LIMCH1: variants seen among roughly 807,000 people sequenced by gnomAD.
LIMCH1 encodes the protein LIM and calponin homology domains-containing protein 1.
In LIMCH1, 113 loss-of-function variants were observed where a neutral mutation model predicts 176.5. That is an observed-to-expected ratio of 0.64 (90% CI 0.55 to 0.75). The LOEUF (loss-of-function observed/expected upper bound fraction) is 0.75. Among genes scored for constraint, LIMCH1 ranks in the 30% least tolerant of loss-of-function variants. The pLI, the probability that LIMCH1 is intolerant of heterozygous loss-of-function variation, is 0.00. For synonymous variants in LIMCH1, 619 were observed against 645.9 expected (o/e 0.96, Z 0.63); for missense variants, 1,674 against 1,814.9 (o/e 0.92, Z 1.41).
upstream of LIMCH1, among the ~76,000 whole-genome samples, chr4:41,534,377 A>G (rs2077651825): frequency 6.6e-6 from 1 of 152,238 alleles, no homozygotes; most frequent in South Asian, 2.1e-4. Flanking sequence ...AAAAAGGTGT[A>G]CATCTTAGAA....
chr4:41,627,815 G>C (rs1245584913), intron 8 of LIMCH1, among the ~76,000 whole-genome samples: 1 of 152,198 alleles, frequency 6.6e-6, no homozygotes, highest in Non-Finnish European at 1.5e-5. Context: ...AAATCAGCTA[G>C]AGTTAGCATC....
At chr4:41,670,782 C>T (rs1284384217) in intron 21 of LIMCH1, 1 of 1,535,970 alleles carries the variant, frequency 6.5e-7, no homozygotes, top group South Asian at 1.2e-5. Flanking sequence ...CCCAGTTTTT[C>T]TCCCAGTCAG....
chr4:41,460,310 G>C (rs776997488), intron 1 of LIMCH1, among the ~76,000 whole-genome samples: 1 of 151,838 alleles, frequency 6.6e-6, no homozygotes, highest in Non-Finnish European at 1.5e-5. Context: ...ATATTGCATA[G>C]CGCAGATGTA....
chr4:41,634,301 G>A (rs954575926), intron 13 of LIMCH1, among the ~76,000 whole-genome samples: 2 of 152,146 alleles, frequency 1.3e-5, no homozygotes, highest in Admixed American at 1.3e-4. Flanking sequence ...AATTATCCTG[G>A]GGTTCCTGTT....
At chr4:41,400,493 A>G (rs180733768) in intron 1 of LIMCH1, among the ~76,000 whole-genome samples, 14 of 152,316 alleles carry the variant, frequency 9.2e-5, no homozygotes, top group Admixed American at 3.3e-4. Context: ...TTTGCACTGC[A>G]TGCAAAGCTG....
At chr4:41,638,538 G>A (rs908395639) in intron 13 of LIMCH1, among the ~76,000 whole-genome samples, 1 of 152,178 alleles carries the variant, frequency 6.6e-6, no homozygotes, top group South Asian at 2.1e-4. Flanking sequence ...GCCCATTACT[G>A]CTGAACATAA....
intron 31 of LIMCH1, chr4:41,692,637 G>A: frequency 2.7e-6 from 1 of 371,106 alleles, no homozygotes; most frequent in Non-Finnish European, 5.0e-6. Context: ...CATTGCCTGA[G>A]CTCACTACAG....
At chr4:41,681,669 C>T (rs568031726) in intron 25 of LIMCH1, among the ~76,000 whole-genome samples, 1 of 152,102 alleles carries the variant, frequency 6.6e-6, no homozygotes, top group African/African-American at 2.4e-5. Flanking sequence ...AAGACCCTAT[C>T]TCTAAAGGAA....
At chr4:41,573,994 A>T (rs1391414731) in intron 1 of LIMCH1, among the ~76,000 whole-genome samples, 1 of 152,126 alleles carries the variant, frequency 6.6e-6, no homozygotes, top group Admixed American at 6.6e-5. Flanking sequence ...AATCTCTCTT[A>T]TATGCCATCT....
chr4:41,586,657 G>C (rs538891611), intron 1 of LIMCH1, among the ~76,000 whole-genome samples: 1 of 152,270 alleles, frequency 6.6e-6, no homozygotes, highest in East Asian at 1.9e-4. Flanking sequence ...ATATAATATA[G>C]TAATGCATAT....
intron 1 of LIMCH1, among the ~76,000 whole-genome samples, chr4:41,413,044 T>A (rs982830281): frequency 6.6e-6 from 1 of 152,156 alleles, no homozygotes; most frequent in Non-Finnish European, 1.5e-5. Flanking sequence ...TGAGATAATG[T>A]GCATGACAAT....
chr4:41,514,702 A>T (rs2075366876), intron 2 of LIMCH1, among the ~76,000 whole-genome samples: 1 of 152,158 alleles, frequency 6.6e-6, no homozygotes, highest in Non-Finnish European at 1.5e-5. Context: ...GTGGCAATGG[A>T]GACTTTTGAT....
At chr4:41,565,616 A>G (rs529666036) in intron 1 of LIMCH1, among the ~76,000 whole-genome samples, 2 of 152,236 alleles carry the variant, frequency 1.3e-5, no homozygotes, top group Admixed American at 6.5e-5. Flanking sequence ...ATGTTTAACA[A>G]TGGTCCAGGT....
At chr4:41,578,940 G>A (rs1017582990) in intron 1 of LIMCH1, among the ~76,000 whole-genome samples, 1 of 151,844 alleles carries the variant, frequency 6.6e-6, no homozygotes, top group African/African-American at 2.4e-5. Context: ...TGGCCTCAAG[G>A]GATTCTCCTG....
intron 1 of LIMCH1, among the ~76,000 whole-genome samples, chr4:41,550,446 C>T (rs1208053317): frequency 1.3e-5 from 2 of 152,148 alleles, no homozygotes; most frequent in East Asian, 2.0e-4. Flanking sequence ...CTCATTTCAC[C>T]ATCTCTAGGT....
intron 1 of LIMCH1, among the ~76,000 whole-genome samples, chr4:41,439,241 A>G (rs1037309221): frequency 3.9e-5 from 6 of 152,212 alleles, no homozygotes; most frequent in Non-Finnish European, 8.8e-5. Flanking sequence ...AAAAACACCA[A>G]GTGATTTCTA....
At chr4:41,426,039 T>TTTTTTA in intron 1 of LIMCH1, among the ~76,000 whole-genome samples, 1 of 147,502 alleles carries the variant, frequency 6.8e-6, no homozygotes, top group African/African-American at 2.5e-5. Flanking sequence ...TTTTTTTTTT[T>TTTTTTA]GAGACGGAGT....
At chr4:41,420,566 A>T (rs1242546795) in intron 1 of LIMCH1, among the ~76,000 whole-genome samples, 1 of 152,180 alleles carries the variant, frequency 6.6e-6, no homozygotes. Context: ...TATTTGATGG[A>T]TGAGTTGGAC....
At position 41,650,388 on chromosome 4, in the gene LIMCH1, T is replaced by C; in HGVS notation, c.2821-5T>C. ...CATGTTTTTTGTTCATTCTGGCTTT[T>C]ATAGGTAGACGGGAAAGTCAGTGTG... is the stretch of plus-strand genomic sequence containing the variant. On this transcript the variant is annotated splice_region_variant and splice_polypyrimidine_tract_variant and intron_variant, in intron 17 of 31. Coordinates refer to ENST00000503057, the MANE Select transcript of LIMCH1 (RefSeq NM_001330672.2). 1 of 1,612,380 alleles carries C rather than the reference T, an allele frequency of 6.2e-7. No individual in the cohort carries two copies. The highest frequency in any genetic ancestry group is 1.7e-5 in the Admixed American group (1 of 60,016).
Sources: gnomAD v4.1 joint callset for allele counts (sites outside exome capture counted in the v4.1 genomes callset) on GRCh38, gnomAD v4.1.1 for gene constraint, MANE v1.5 for transcripts, NCBI Gene and HGNC (gene_info 2026-07-23, HGNC 2026-07-21) for gene names.